Variants in NELL1 observed in about 807,000 individuals in gnomAD.
NELL1 encodes the protein protein kinase C-binding protein NELL1.
Under a neutral mutation model 107.4 loss-of-function variants are expected in NELL1, and 76 were observed. The observed-to-expected ratio is 0.71, with a 90% CI of 0.59 to 0.86. The LOEUF (loss-of-function observed/expected upper bound fraction) is 0.86. Ranked by LOEUF, NELL1 falls within the 40% of genes least tolerant of loss-of-function variation. The pLI is 0.00. For synonymous variants in NELL1, 353 were observed against 341.2 expected, an observed-to-expected ratio of 1.03 and a Z score of -0.38; for missense variants, 1,024 against 1,005.5, an observed-to-expected ratio of 1.02 and a Z score of -0.25.
At chr11:21,301,923 C>T (rs183947556) in intron 14 of NELL1, among the ~76,000 whole-genome samples, 89 of 152,144 alleles carry the variant, frequency 5.8e-4, no homozygotes, top group African/African-American at 2.1e-3. Context: ...TCATTATTTA[C>T]TCCATCAATG....
chr11:20,883,873 A>T (rs4405305), intron 4 of NELL1, among the ~76,000 whole-genome samples: 3 of 152,254 alleles, frequency 2.0e-5, no homozygotes, highest in African/African-American at 7.2e-5. Flanking sequence ...AGGAGAAAAA[A>T]TTTTAAAGGA....
intron 13 of NELL1, among the ~76,000 whole-genome samples, chr11:21,151,287 G>T (rs1434979699): frequency 6.6e-6 from 1 of 152,172 alleles, no homozygotes; most frequent in African/African-American, 2.4e-5. Flanking sequence ...ATTTCTGCAT[G>T]TCTTTGGTTT....
At chr11:20,984,666 A>T (rs985969309) in intron 12 of NELL1, among the ~76,000 whole-genome samples, 2 of 149,714 alleles carry the variant, frequency 1.3e-5, no homozygotes, top group African/African-American at 4.9e-5. Context: ...CATGACTCCT[A>T]CTGGATGCTG....
chr11:20,805,722 T>C (rs2134007256), intron 3 of NELL1, among the ~76,000 whole-genome samples: 1 of 152,318 alleles, frequency 6.6e-6, no homozygotes, highest in Middle Eastern at 3.4e-3. Context: ...CAGGATGGTC[T>C]TGATCTCCTG....
intron 4 of NELL1, among the ~76,000 whole-genome samples, chr11:20,852,655 T>G (rs1043164348): frequency 6.6e-6 from 1 of 152,220 alleles, no homozygotes; most frequent in African/African-American, 2.4e-5. Flanking sequence ...ATCAAAGGTC[T>G]CAGCTTTCAA....
chr11:21,492,971 A>C (rs1300541164), intron 15 of NELL1, among the ~76,000 whole-genome samples: 1 of 152,098 alleles, frequency 6.6e-6, no homozygotes, highest in Non-Finnish European at 1.5e-5. Context: ...TGGCCAAGAG[A>C]TGTATGAAAA....
chr11:20,738,493 C>A (rs1280303021), intron 2 of NELL1, among the ~76,000 whole-genome samples: 1 of 152,182 alleles, frequency 6.6e-6, no homozygotes, highest in African/African-American at 2.4e-5. Flanking sequence ...GTTTGAGCTA[C>A]TGTGGATCAA....
intron 17 of NELL1, 72 bp downstream of exon 17, chr11:21,560,454 G>T: frequency 7.7e-7 from 1 of 1,306,854 alleles, no homozygotes; most frequent in Non-Finnish European, 1.0e-6. Flanking sequence ...TACCTCCCCA[G>T]CTCTCTCCCT....
chr11:21,085,007 T>G (rs2133678097), intron 12 of NELL1, among the ~76,000 whole-genome samples: 1 of 152,316 alleles, frequency 6.6e-6, no homozygotes. Context: ...GGGTAAGACA[T>G]ACTTATCTTT....
intron 2 of NELL1, among the ~76,000 whole-genome samples, chr11:20,689,772 A>G (rs1854410813): frequency 1.3e-5 from 2 of 151,778 alleles, no homozygotes; most frequent in Non-Finnish European, 2.9e-5. Context: ...TTATAGCAGC[A>G]TGATTTATAG....
At position 21,061,032 on chromosome 11, in the gene NELL1, G is replaced by A. The variant is rs1009408059; in HGVS notation, c.1301-52557G>A. Among the ~76,000 whole-genome samples the A allele has an allele frequency of 5.9e-5, 9 of 152,290 alleles. No individual in the cohort carries two copies. In the East Asian group the frequency reaches 1.7e-3, roughly 29 times the overall value. ...TTACAGGCGTGAGCCACCACGCCTG[G>A]CCCCACCCTTTCTTTTTTATGCCTA... On this transcript the variant is annotated intron_variant, in intron 12 of 19. Coordinates refer to ENST00000357134, the MANE Select transcript of NELL1 (RefSeq NM_006157.5).
chr11:21,159,996 CA>C (rs1386902639), intron 13 of NELL1, among the ~76,000 whole-genome samples: 4 of 152,230 alleles, frequency 2.6e-5, no homozygotes, highest in Non-Finnish European at 1.5e-5. Context: ...AAGGTTTTAA[CA>C]GTTTCCCCAG....
At chr11:20,974,241 A>G (rs961610737) in intron 12 of NELL1, among the ~76,000 whole-genome samples, 2 of 152,194 alleles carry the variant, frequency 1.3e-5, no homozygotes, top group South Asian at 4.1e-4. Context: ...GTGTTTGATA[A>G]GTTTTTCTTG....
intron 2 of NELL1, among the ~76,000 whole-genome samples, chr11:20,754,658 T>C (rs912888825): frequency 6.6e-6 from 1 of 152,232 alleles, no homozygotes; most frequent in African/African-American, 2.4e-5. Flanking sequence ...TACTAAGATA[T>C]GACATTTTAA....
intron 15 of NELL1, among the ~76,000 whole-genome samples, chr11:21,507,486 T>C (rs573162877): frequency 7.6e-4 from 115 of 152,294 alleles, no homozygotes; most frequent in African/African-American, 2.7e-3. Context: ...GACAATAACA[T>C]GTCCAAGCCT....
intron 14 of NELL1, among the ~76,000 whole-genome samples, chr11:21,264,264 T>C (rs1848595176): frequency 6.6e-6 from 1 of 151,824 alleles, no homozygotes; most frequent in Admixed American, 6.6e-5. Flanking sequence ...CTGCTGACTT[T>C]GAGTTATTAA....
rs191777600 is a variant in NELL1, at chr11:20,724,225, G to T, written c.184+46165G>T. 8.5e-5 allele frequency among the ~76,000 whole-genome samples: 13 copies of T among 152,356 alleles called. No homozygotes were observed. In the East Asian group the frequency reaches 2.5e-3, roughly 29 times the overall value. On this transcript the variant is annotated intron_variant, in intron 2 of 19. Coordinates refer to ENST00000357134, the MANE Select transcript of NELL1 (RefSeq NM_006157.5). ...CCATTATCTTGGCAGTTAACATTCA[G>T]CTCCTTGTTACTTATGCAAATTTCT...
chr11:21,542,899 C>T (rs1856327423), intron 16 of NELL1, among the ~76,000 whole-genome samples: 1 of 151,812 alleles, frequency 6.6e-6, no homozygotes, highest in Non-Finnish European at 1.5e-5. Context: ...TCATAAATAT[C>T]CTGGCAGTCA....
intron 4 of NELL1, among the ~76,000 whole-genome samples, chr11:20,860,782 T>C (rs1848964323): frequency 6.6e-6 from 1 of 152,224 alleles, no homozygotes; most frequent in South Asian, 2.1e-4. Context: ...TGAATTTACA[T>C]GTGGCCTGTG....
Sources: gnomAD v4.1 joint callset for allele counts (sites outside exome capture counted in the v4.1 genomes callset) on GRCh38, gnomAD v4.1.1 for gene constraint, MANE v1.5 for transcripts, NCBI Gene and HGNC (gene_info 2026-07-23, HGNC 2026-07-21) for gene names.